The following SOD1 variants were observed in gnomAD, a reference collection of about 807,000 sequenced individuals.
SOD1 encodes the protein superoxide dismutase 1, also known as superoxide dismutase [Cu-Zn].
A neutral mutation model predicts 15.9 loss-of-function variants in SOD1; 8 were observed. That is an observed-to-expected ratio of 0.50 (90% CI 0.30 to 0.91). The LOEUF is 0.91. Among genes scored for constraint, SOD1 ranks in the 40% least tolerant of loss-of-function variants. SOD1 has a pLI of 0.07. For synonymous variants in SOD1, 86 were observed against 71.2 expected (o/e 1.21, Z -1.04); for missense variants, 137 against 194.5 (o/e 0.70, Z 1.76).
At chr21:31,661,237 T>A (rs1568808180) in intron 1 of SOD1, among the ~76,000 whole-genome samples, 1 of 152,240 alleles carries the variant, frequency 6.6e-6, no homozygotes, top group African/African-American at 2.4e-5. Context: ...ATAATGAGTT[T>A]AGCCTTTTTC....
In SOD1 at chr21:31,662,858, CA is replaced by C. The variant is rs1395418417; in HGVS notation, c.73-925del. Among the ~76,000 whole-genome samples the C allele has an allele frequency of 3.3e-5, 5 of 151,744 alleles. 1 individual carries two copies. The highest frequency in any genetic ancestry group is 1.2e-4 in the African/African-American group (5 of 41,308). The stretch of plus-strand genomic sequence containing the variant: ...TGAAACCCCGTCTCTACTAAAAATG[CA>C]AAAAAATTAGCCGGGTGTGGTGGTG... On this transcript the variant is annotated intron_variant, in intron 1 of 4. Coordinates refer to ENST00000270142, the MANE Select transcript of SOD1 (RefSeq NM_000454.5).
chr21:31,668,917 C>A lies in SOD1; in HGVS notation c.*339C>A. On this transcript the variant is annotated 3_prime_UTR_variant, in exon 5 of 5. Transcript: ENST00000270142. ...TTATTATGAGGCTATTAAAAGAATC[C>A]AAATTCAAACTAAATTAGCTCTGAT... The A allele has an allele frequency of 3.7e-6, 1 of 267,610 alleles. No individual in the cohort carries two copies. Among genetic ancestry groups the A allele is most frequent in the Non-Finnish European group, 7.3e-6 (1 of 137,526 alleles). The allele number at this position is 267,610 out of a possible 1,614,324, so 16.6% of individuals were successfully genotyped here.
At chr21:31,661,932 A>C (rs146827826) in intron 1 of SOD1, among the ~76,000 whole-genome samples, 1 of 152,340 alleles carries the variant, frequency 6.6e-6, no homozygotes, top group African/African-American at 2.4e-5. Flanking sequence ...ACTCTTTGCT[A>C]GTTTTTACAG....
At chr21:31,663,590 C>T (rs1392206724) in intron 1 of SOD1, among the ~76,000 whole-genome samples, 200 bp from the exon 2 acceptor site, 1 of 152,190 alleles carries the variant, frequency 6.6e-6, no homozygotes, top group Non-Finnish European at 1.5e-5. Flanking sequence ...AGATTACCAT[C>T]TCCCTTTTGA....
intron 1 of SOD1, among the ~76,000 whole-genome samples, chr21:31,661,187 C>T (rs975124282): frequency 1.3e-5 from 2 of 152,178 alleles, no homozygotes; most frequent in Non-Finnish European, 2.9e-5. Flanking sequence ...AGGACAGGAA[C>T]AGTTAGTCTG....
chr21:31,667,429 A>G (rs1261731385), intron 4 of SOD1, 54 bp downstream of exon 4: 9 of 1,222,990 alleles, frequency 7.4e-6, no homozygotes, highest in Admixed American at 3.4e-5. Context: ...ACAGTCATGT[A>G]TCTTTTCACT....
intron 2 of SOD1, among the ~76,000 whole-genome samples, chr21:31,665,411 G>A (rs1055170652): frequency 2.6e-5 from 4 of 152,132 alleles, no homozygotes; most frequent in Non-Finnish European, 5.9e-5. Flanking sequence ...GATTTGTAAT[G>A]ATCAGATTTG....
intron 2 of SOD1, 83 bp downstream of exon 2, chr21:31,663,969 C>T: frequency 9.4e-7 from 1 of 1,058,966 alleles, no homozygotes; most frequent in South Asian, 1.3e-5. Context: ...CGTTAAAACC[C>T]CTCAACTTGT....
intron 1 of SOD1, 193 bp downstream of exon 1, chr21:31,660,034 G>T (rs1169436804): frequency 5.6e-6 from 2 of 354,750 alleles, no homozygotes; most frequent in African/African-American, 4.4e-5. Context: ...CACCGGGCGG[G>T]CCCGGGCGCG....
chr21:31,667,399 C>T, intron 4 of SOD1, 24 bp downstream of exon 4: 1 of 1,448,058 alleles, frequency 6.9e-7, no homozygotes, highest in Non-Finnish European at 9.7e-7. Context: ...AAAGGATATG[C>T]ATAAAACTTC....
chr21:31,668,728 A>G lies in SOD1; in HGVS notation c.*150A>G. The G allele has an allele frequency of 3.0e-6, 2 of 667,330 alleles. No individual in the cohort carries two copies. The highest frequency in any genetic ancestry group is 5.4e-6 in the Non-Finnish European group (2 of 369,564). 41.3% of individuals were successfully genotyped at this position (667,330 alleles called of 1,614,324 possible). ...TTGCTTTAAAGTACCTGTAGTGAGA[A>G]ACTGATTTATGATCACTTGGAAGAT... is the stretch of plus-strand genomic sequence containing the variant. On this transcript the variant is annotated 3_prime_UTR_variant, in exon 5 of 5. Transcript: ENST00000270142.
chr21:31,659,761 T>C lies in SOD1; in HGVS notation c.-9T>C. The C allele has an allele frequency of 6.2e-7, 1 of 1,613,842 alleles. No homozygotes were observed. The highest frequency in any genetic ancestry group is 1.1e-5 in the South Asian group (1 of 91,086). ...TCGGAACCAGGACCTCGGCGTGGCC[T>C]AGCGAGTTATGGCGACGAAGGCCGT... On this transcript the variant is annotated 5_prime_UTR_variant, in exon 1 of 5. Coordinates refer to ENST00000270142, the MANE Select transcript of SOD1 (RefSeq NM_000454.5).
intron 4 of SOD1, 146 bp downstream of exon 4, chr21:31,667,521 T>C (rs2123435876): frequency 1.4e-6 from 1 of 733,542 alleles, no homozygotes; most frequent in Non-Finnish European, 2.5e-6. Context: ...TATTGGACAA[T>C]TACGGTGAAA....
chr21:31,659,803 G>A lies in SOD1; in HGVS notation c.34G>A (p.Asp12Asn). The change falls in exon 1 of 5, where the codon GAC (aspartate) becomes AAC (asparagine). Residue 12 changes from aspartate to asparagine, a missense_variant. Coordinates refer to ENST00000270142, the MANE Select transcript of SOD1 (RefSeq NM_000454.5). ...ATKAVCVLKG[D>N]GPVQGIINFE... ...GAAGGCCGTGTGCGTGCTGAAGGGC[G>A]ACGGCCCAGTGCAGGGCATCATCAA... 6.2e-7 allele frequency: 1 copy of A among 1,613,908 alleles called. No individual in the cohort carries two copies. The highest frequency in any genetic ancestry group is 1.3e-5 in the African/African-American group (1 of 75,064).
intron 1 of SOD1, 111 bp from the exon 2 acceptor site, chr21:31,663,679 G>T: frequency 3.6e-6 from 3 of 841,496 alleles, no homozygotes; most frequent in Admixed American, 1.9e-5. Flanking sequence ...TTTGGACACA[G>T]ATTTTTCCAC....
chr21:31,667,412 C>T (rs1177214502), intron 4 of SOD1, 37 bp downstream of exon 4: 1 of 1,330,316 alleles, frequency 7.5e-7, no homozygotes, highest in Admixed American at 1.7e-5. Context: ...AAAACTTCTT[C>T]TAACATACAG....
At chr21:31,666,691 G>A in intron 3 of SOD1, 173 bp downstream of exon 3, 1 of 664,668 alleles carries the variant, frequency 1.5e-6, no homozygotes, top group Middle Eastern at 4.0e-4. Flanking sequence ...TACTTCCTGG[G>A]CTTAAAGGAA....
At chr21:31,665,350 ATTTC>A (rs2123433473) in intron 2 of SOD1, among the ~76,000 whole-genome samples, 2 of 152,098 alleles carry the variant, frequency 1.3e-5, no homozygotes, top group East Asian at 3.9e-4. Flanking sequence ...TTGTTTATAG[ATTTC>A]TTCTTAAATT....
intron 2 of SOD1, among the ~76,000 whole-genome samples, chr21:31,664,851 C>T (rs1033967164): frequency 1.9e-4 from 29 of 152,046 alleles, no homozygotes; most frequent in Middle Eastern, 3.4e-3. Context: ...CTCCTGACCT[C>T]GTGATCCGCC....
Sources: gnomAD v4.1 joint callset for allele counts (sites outside exome capture counted in the v4.1 genomes callset) on GRCh38, gnomAD v4.1.1 for gene constraint, MANE v1.5 for transcripts, NCBI Gene and HGNC (gene_info 2026-07-23, HGNC 2026-07-21) for gene names.